Variants in CMC1 observed in about 807,000 individuals in gnomAD.
CMC1 encodes C-X9-C motif containing 1.
A neutral mutation model predicts 14.1 loss-of-function variants in CMC1; 14 were observed. That is an observed-to-expected ratio of 0.99 (90% confidence interval 0.66 to 1.55). The LOEUF (loss-of-function observed/expected upper bound fraction) is 1.55, where lower values mean the gene tolerates loss of function less well. Among genes scored for constraint, CMC1 ranks in the 40% most tolerant of loss-of-function variants. The probability of loss-of-function intolerance (pLI) is 0.00; values close to 1 mark genes in which losing one functional copy is unlikely to be tolerated. For synonymous variants in CMC1, 50 were observed against 38.4 expected, an observed-to-expected ratio of 1.30 and a Z score of -1.12; for missense variants, 127 against 123.8, an observed-to-expected ratio of 1.03 and a Z score of -0.12.
In CMC1 at chr3:28,323,392, T is replaced by C. The variant is rs1188668718; in HGVS notation, c.*3763T>C. On this transcript the variant is annotated 3_prime_UTR_variant, in exon 4 of 4. Transcript: ENST00000466830. ...TTTTTCCCAATTAGGACTTAAGGAATGTGCTGGGACAAAGTTGGCTTCAGT... is the reference window on the plus strand; with the variant it reads ...TTTTTCCCAATTAGGACTTAAGGAACGTGCTGGGACAAAGTTGGCTTCAGT... The C allele has an allele frequency of 6.7e-6, 1 of 149,524 alleles. No homozygotes were observed. Among genetic ancestry groups the C allele is most frequent in the Non-Finnish European group, 1.5e-5 (1 of 66,696 alleles). The allele number at this position is 149,524 out of a possible 1,614,324, so 9.3% of individuals were successfully genotyped here.
At chr3:28,244,900 T>C (rs571209894) in intron 1 of CMC1, among the ~76,000 whole-genome samples, 12 of 148,234 alleles carry the variant, frequency 8.1e-5, no homozygotes, top group South Asian at 4.2e-4. Context: ...TTTTTTTTTT[T>C]CCCTAAATTG....
chr3:28,319,676 A>G lies in CMC1; in HGVS notation c.*47A>G. On this transcript the variant is annotated 3_prime_UTR_variant, in exon 4 of 4. Transcript: ENST00000466830. ...AGGAACTCTAATATTCATGGAAGTC[A>G]TTTTATAGTCCTTAAATAATGGACT... The G allele has an allele frequency of 6.6e-7, 1 of 1,521,180 alleles. No individual in the cohort carries two copies. The highest frequency in any genetic ancestry group is 8.9e-7 in the Non-Finnish European group (1 of 1,124,868). The allele number at this position is 1,521,180 out of a possible 1,614,324, so 94.2% of individuals were successfully genotyped here. A position where few individuals can be genotyped will look rare whatever the true frequency, so the allele number is the denominator to read the frequency against.
At chr3:28,313,279 G>C (rs1702731251) in intron 2 of CMC1, among the ~76,000 whole-genome samples, 1 of 152,116 alleles carries the variant, frequency 6.6e-6, no homozygotes, top group African/African-American at 2.4e-5. Flanking sequence ...AATATACTGA[G>C]TGCTCATTAC....
intron 2 of CMC1, among the ~76,000 whole-genome samples, chr3:28,307,043 T>C (rs1246341792): frequency 6.6e-6 from 1 of 152,246 alleles, no homozygotes; most frequent in Non-Finnish European, 1.5e-5. Flanking sequence ...TTTTCACTTT[T>C]AGATTTACAA....
chr3:28,290,882 C>T (rs1449700007), intron 2 of CMC1, among the ~76,000 whole-genome samples: 1 of 151,860 alleles, frequency 6.6e-6, no homozygotes, highest in East Asian at 1.9e-4. Flanking sequence ...CTCGGTATGA[C>T]AACTGGGTCT....
intron 1 of CMC1, among the ~76,000 whole-genome samples, chr3:28,255,396 A>G (rs992176341): frequency 3.3e-5 from 5 of 151,658 alleles, no homozygotes; most frequent in Admixed American, 3.3e-4. Context: ...GCGCGCCACC[A>G]TGCCTGGGTG....
chr3:28,255,404 G>A (rs1699344135), intron 1 of CMC1, among the ~76,000 whole-genome samples: 1 of 151,694 alleles, frequency 6.6e-6, no homozygotes, highest in African/African-American at 2.4e-5. Context: ...CCATGCCTGG[G>A]TGATTTTTGT....
chr3:28,261,409 T>A (rs1699729282), intron 1 of CMC1, among the ~76,000 whole-genome samples: 1 of 152,132 alleles, frequency 6.6e-6, no homozygotes, highest in Non-Finnish European at 1.5e-5. Flanking sequence ...AGAGAGGCCA[T>A]TGGTAGATGT....
At chr3:28,308,766 C>T (rs1702465245) in intron 2 of CMC1, among the ~76,000 whole-genome samples, 1 of 152,040 alleles carries the variant, frequency 6.6e-6, no homozygotes. Flanking sequence ...GGGCGGATCA[C>T]AAGGTCAGGT....
At chr3:28,249,099 A>G (rs905554348) in intron 1 of CMC1, among the ~76,000 whole-genome samples, 6 of 152,138 alleles carry the variant, frequency 3.9e-5, no homozygotes, top group Admixed American at 3.3e-4. Context: ...CTATTTTTGC[A>G]TTTTTAAGTA....
At chr3:28,287,263 C>T (rs1432262548) in intron 2 of CMC1, among the ~76,000 whole-genome samples, 2 of 152,086 alleles carry the variant, frequency 1.3e-5, no homozygotes, top group Non-Finnish European at 2.9e-5. Context: ...GGTTTCAGCA[C>T]CTTTGACTGG....
At position 28,256,676 on chromosome 3, in the gene CMC1, C is replaced by T. The variant is rs143617331; in HGVS notation, c.20-6615C>T. Among the ~76,000 whole-genome samples the T allele has an allele frequency of 4.9e-4, 74 of 152,216 alleles. No individual in the cohort carries two copies. In the East Asian group the frequency reaches 0.01, roughly 21 times the overall value. On this transcript the variant is annotated intron_variant, in intron 1 of 3. Transcript: ENST00000466830. ...TATTGTTTAAATAATGCAACTTTAA[C>T]ACCAAAACAATGCAAAGATAAGGGA...
intron 2 of CMC1, among the ~76,000 whole-genome samples, chr3:28,289,703 A>G (rs1577055534): frequency 6.6e-6 from 1 of 151,770 alleles, no homozygotes; most frequent in African/African-American, 2.4e-5. Context: ...CAATACCTCT[A>G]CTCTACTTCA....
intron 2 of CMC1, chr3:28,293,078 A>G (rs1701559924): frequency 6.6e-6 from 1 of 152,138 alleles, no homozygotes; most frequent in Non-Finnish European, 1.5e-5. Flanking sequence ...ACCTTTAATG[A>G]TTTCCTATAC....
At position 28,324,068 on chromosome 3, in the gene CMC1, T is replaced by C; in HGVS notation, c.*4439T>C. 6.2e-7 allele frequency: 1 copy of C among 1,609,018 alleles called. No homozygotes were observed. The highest frequency in any genetic ancestry group is 2.2e-5 in the East Asian group (1 of 44,774). ...TAATTCTTATAAAGGCAGTTCTGAT[T>C]ATGTTGATCCAAGTAATGCAGTGGT... On this transcript the variant is annotated 3_prime_UTR_variant, in exon 4 of 4. Transcript: ENST00000466830.
rs909381691 is a variant in CMC1 at position 28,320,553 on chromosome 3, A to C, written c.*924A>C. 1 of 151,540 alleles carries C rather than the reference A, an allele frequency of 6.6e-6. No homozygotes were observed. The highest frequency in any genetic ancestry group is 1.5e-5 in the Non-Finnish European group (1 of 67,670). The allele number at this position is 151,540 out of a possible 1,614,324, so 9.4% of individuals were successfully genotyped here. On this transcript the variant is annotated 3_prime_UTR_variant, in exon 4 of 4. Coordinates refer to ENST00000466830, the MANE Select transcript of CMC1 (RefSeq NM_182523.2). ...TTAAATTAGCAACTAAGTTTCCAACACATGAACTCTTGGGGGACACATCAA... is the reference window on the plus strand; with the variant it reads ...TTAAATTAGCAACTAAGTTTCCAACCCATGAACTCTTGGGGGACACATCAA...
At chr3:28,280,945 A>G (rs1306861018) in intron 2 of CMC1, among the ~76,000 whole-genome samples, 1 of 152,214 alleles carries the variant, frequency 6.6e-6, no homozygotes, top group Non-Finnish European at 1.5e-5. Context: ...ATGCTCATTT[A>G]CTTATGTATT....
intron 1 of CMC1, among the ~76,000 whole-genome samples, chr3:28,244,258 A>G (rs553101617): frequency 2.4e-4 from 36 of 152,310 alleles, no homozygotes; most frequent in African/African-American, 8.7e-4. Flanking sequence ...TGCATTGTAG[A>G]GGGGTCAGGT....
At chr3:28,275,085 A>G (rs1042899375) in intron 2 of CMC1, among the ~76,000 whole-genome samples, 2 of 151,984 alleles carry the variant, frequency 1.3e-5, no homozygotes, top group Admixed American at 6.5e-5. Flanking sequence ...TCTGAAGCCT[A>G]CTTCTGTCAG....
Sources: gnomAD v4.1 joint callset for allele counts (sites outside exome capture counted in the v4.1 genomes callset) on GRCh38, gnomAD v4.1.1 for gene constraint, MANE v1.5 for transcripts, NCBI Gene and HGNC (gene_info 2026-07-23, HGNC 2026-07-21) for gene names.